The following PALM2AKAP2 variants were observed in gnomAD, a reference collection of about 807,000 sequenced individuals.
The protein encoded by PALM2AKAP2 is PALM2-AKAP2 fusion protein.
In PALM2AKAP2, 37 loss-of-function variants were observed where a neutral mutation model predicts 71.5. The observed-to-expected ratio is 0.52, with a 90% CI of 0.40 to 0.68. PALM2AKAP2 has a LOEUF of 0.68. Ranked by LOEUF, PALM2AKAP2 falls within the 30% of genes least tolerant of loss-of-function variation. PALM2AKAP2 has a pLI of 0.00. For missense variants in PALM2AKAP2, 1,224 were observed against 1,191.8 expected, an observed-to-expected ratio of 1.03 and a Z score of -0.40; for synonymous variants, 468 against 478.8, an observed-to-expected ratio of 0.98 and a Z score of 0.29.
At chr9:109,681,887 C>T (rs1432500709) in intron 1 of PALM2AKAP2, among the ~76,000 whole-genome samples, 1 of 152,114 alleles carries the variant, frequency 6.6e-6, no homozygotes, top group Admixed American at 6.6e-5. Context: ...CTCTCCCCAT[C>T]CCTAATGTAA....
At chr9:109,899,027 C>T (rs868267658) in intron 3 of PALM2AKAP2, among the ~76,000 whole-genome samples, 4 of 152,178 alleles carry the variant, frequency 2.6e-5, no homozygotes, top group Non-Finnish European at 4.4e-5. Context: ...TTCTTCACTT[C>T]TCCCATTCTC....
At chr9:109,794,822 G>A (rs1333232027) in intron 1 of PALM2AKAP2, among the ~76,000 whole-genome samples, 2 of 152,208 alleles carry the variant, frequency 1.3e-5, no homozygotes, top group Non-Finnish European at 2.9e-5. Context: ...TCAAGGTTTT[G>A]GAAGATAGCA....
At chr9:109,651,935 G>GT (rs1438528892) in intron 1 of PALM2AKAP2, among the ~76,000 whole-genome samples, 1 of 152,042 alleles carries the variant, frequency 6.6e-6, no homozygotes, top group Non-Finnish European at 1.5e-5. Context: ...TCGAAATTCT[G>GT]TTTTTGTAAA....
chr9:110,005,110 T>C (rs932815978), intron 6 of PALM2AKAP2, among the ~76,000 whole-genome samples: 8 of 152,242 alleles, frequency 5.3e-5, no homozygotes, highest in African/African-American at 1.9e-4. Flanking sequence ...CTCTGATTTT[T>C]AGAGTTTCCA....
intron 1 of PALM2AKAP2, among the ~76,000 whole-genome samples, chr9:109,861,386 G>C (rs1192077431): frequency 6.6e-6 from 1 of 152,128 alleles, no homozygotes; most frequent in African/African-American, 2.4e-5. Flanking sequence ...AACAGAATGT[G>C]CTTCATTCTC....
At chr9:109,925,022 C>T (rs375519506) in intron 4 of PALM2AKAP2, 39 bp from the exon 5 acceptor site, 4 of 1,613,974 alleles carry the variant, frequency 2.5e-6, no homozygotes, top group East Asian at 2.2e-5. Context: ...TGTACCCCCA[C>T]ATGTAGAGTA....
chr9:109,675,722 T>C (rs557567942), intron 1 of PALM2AKAP2, among the ~76,000 whole-genome samples: 31 of 152,312 alleles, frequency 2.0e-4, no homozygotes, highest in African/African-American at 7.2e-4. Flanking sequence ...ACAAAGATGT[T>C]CATACATTTT....
chr9:109,787,031 G>A (rs1187095123), intron 1 of PALM2AKAP2, among the ~76,000 whole-genome samples: 1 of 152,204 alleles, frequency 6.6e-6, no homozygotes. Context: ...TCTGTGGCAT[G>A]AAATTGACTG....
intron 1 of PALM2AKAP2, among the ~76,000 whole-genome samples, chr9:109,685,676 T>C (rs967373557): frequency 6.6e-6 from 1 of 150,628 alleles, no homozygotes; most frequent in Admixed American, 6.6e-5. Context: ...TGAATTATAT[T>C]TTTTTTTTGG....
At chr9:109,891,947 A>G (rs1340586464) in intron 3 of PALM2AKAP2, among the ~76,000 whole-genome samples, 1 of 152,086 alleles carries the variant, frequency 6.6e-6, no homozygotes, top group Non-Finnish European at 1.5e-5. Context: ...TGTTAGGTAA[A>G]TGTTTCCTTA....
At chr9:109,942,966 G>A (rs1350127887) in intron 6 of PALM2AKAP2, 1 of 1,614,038 alleles carries the variant, frequency 6.2e-7, no homozygotes, top group Non-Finnish European at 8.5e-7. Context: ...TTGCAGATGG[G>A]AGCCTCAGCC....
intron 3 of PALM2AKAP2, among the ~76,000 whole-genome samples, chr9:109,916,167 C>T (rs1439745517): frequency 6.6e-6 from 1 of 152,228 alleles, no homozygotes; most frequent in Non-Finnish European, 1.5e-5. Flanking sequence ...TGGTCTGAAA[C>T]TCCTGACCTC....
intron 1 of PALM2AKAP2, among the ~76,000 whole-genome samples, chr9:109,740,717 G>C (rs368950509): frequency 3.3e-4 from 51 of 152,254 alleles, no homozygotes; most frequent in African/African-American, 1.2e-3. Context: ...GCAGTGGTGC[G>C]ATCTTGGCTC....
intron 1 of PALM2AKAP2, among the ~76,000 whole-genome samples, chr9:110,097,621 C>T (rs1235910824): frequency 1.4e-5 from 2 of 147,600 alleles, no homozygotes; most frequent in Admixed American, 6.7e-5. Flanking sequence ...GGAAGAGGCG[C>T]TCCTCACTTC....
intron 2 of PALM2AKAP2, among the ~76,000 whole-genome samples, chr9:110,139,153 C>T (rs1483537671): frequency 1.3e-5 from 2 of 152,212 alleles, no homozygotes; most frequent in Non-Finnish European, 2.9e-5. Flanking sequence ...TCATGTGACC[C>T]ATTTGGAAAA....
chr9:110,153,778 G>C lies in PALM2AKAP2; in HGVS notation c.2570-2541G>C, dbSNP rs138800628. On this transcript the variant is annotated intron_variant, in intron 2 of 3. Coordinates refer to ENST00000374525, the Ensembl canonical transcript of PALM2AKAP2. ...GGTGAAACATACCCCCCTGTCCTCA[G>C]GATGACATTATAGCTTAATTGAGAA... 2.2e-3 allele frequency among the ~76,000 whole-genome samples: 339 copies of C among 152,344 alleles called. 2 individuals are homozygous for C. Among genetic ancestry groups the C allele is most frequent in the African/African-American group, 7.7e-3 (320 of 41,582 alleles).
At chr9:110,157,342 G>A (rs1052971364) in intron 3 of PALM2AKAP2, among the ~76,000 whole-genome samples, 12 of 152,090 alleles carry the variant, frequency 7.9e-5, no homozygotes, top group African/African-American at 2.9e-4. Context: ...GACAGTCCTG[G>A]CTTATGCCTG....
At chr9:109,982,096 A>T (rs1389404947) in intron 6 of PALM2AKAP2, among the ~76,000 whole-genome samples, 1 of 152,268 alleles carries the variant, frequency 6.6e-6, no homozygotes, top group Admixed American at 6.5e-5. Context: ...GTACGTGTAC[A>T]CAATGGAGTA....
At chr9:110,089,967 G>A (rs372300559) in intron 1 of PALM2AKAP2, among the ~76,000 whole-genome samples, 1 of 152,126 alleles carries the variant, frequency 6.6e-6, no homozygotes, top group Non-Finnish European at 1.5e-5. Flanking sequence ...CTTACCCAGG[G>A]CATGTTATCC....
Sources: gnomAD v4.1 joint callset for allele counts (sites outside exome capture counted in the v4.1 genomes callset) on GRCh38, gnomAD v4.1.1 for gene constraint, MANE v1.5 for transcripts, NCBI Gene and HGNC (gene_info 2026-07-23, HGNC 2026-07-21) for gene names.